The following ETV6 variants were observed in gnomAD, a reference collection of about 807,000 sequenced individuals.
The protein encoded by ETV6 is ETS variant transcription factor 6.
In ETV6, 16 loss-of-function variants were observed where a neutral mutation model predicts 51.1. The observed-to-expected ratio is 0.31, with a 90% CI of 0.21 to 0.48. The LOEUF is 0.48. ETV6 is among the 20% of genes least tolerant of loss of function. The probability of loss-of-function intolerance (pLI) is 0.99; values close to 1 mark genes in which losing one functional copy is unlikely to be tolerated. For synonymous variants in ETV6, 240 were observed against 224.1 expected, an observed-to-expected ratio of 1.07 and a Z score of -0.64; for missense variants, 458 against 594.8, an observed-to-expected ratio of 0.77 and a Z score of 2.39.
chr12:11,650,287 G>A (rs1389273743), intron 1 of ETV6, 127 bp downstream of exon 1: 45 of 796,010 alleles, frequency 5.7e-5, no homozygotes, highest in Non-Finnish European at 8.4e-5. Flanking sequence ...TTTGGGGCGA[G>A]AGGGAAAGAG....
intron 1 of ETV6, among the ~76,000 whole-genome samples, chr12:11,742,897 C>T (rs1865837195): frequency 6.7e-6 from 1 of 149,294 alleles, no homozygotes; most frequent in Non-Finnish European, 1.5e-5. Flanking sequence ...GCCTCAACCT[C>T]CTGGGCTCAA....
Position 11,750,842 on chromosome 12 carries a change from C to G in ETV6, c.34-1608C>G, listed in dbSNP as rs11054442. 3,299 of 449,704 alleles carry G rather than the reference C, an allele frequency of 7.3e-3. 139 individuals carry two copies. In the East Asian group the frequency reaches 0.091, roughly 12 times the overall value. 27.9% of individuals were successfully genotyped at this position (449,704 alleles called of 1,614,324 possible). On this transcript the variant is annotated intron_variant, in intron 1 of 7. Coordinates refer to ENST00000396373, the MANE Select transcript of ETV6 (RefSeq NM_001987.5). ...TGCTTTTTTCATCCCAAACCAAACACCAAAAAGTATAACCCATCCTTCAAG... is the reference window on the plus strand; with the variant it reads ...TGCTTTTTTCATCCCAAACCAAACAGCAAAAAGTATAACCCATCCTTCAAG...
At chr12:11,802,670 T>C (rs1945767260) in intron 2 of ETV6, among the ~76,000 whole-genome samples, 1 of 152,238 alleles carries the variant, frequency 6.6e-6, no homozygotes, top group Non-Finnish European at 1.5e-5. Context: ...AATTCTTAAA[T>C]AGACTTTACA....
intron 4 of ETV6, among the ~76,000 whole-genome samples, chr12:11,866,147 G>A (rs73066171): frequency 0.06 from 8,988 of 151,000 alleles, 288 homozygotes; most frequent in African/African-American, 0.077. Context: ...CATCTAGTCC[G>A]GTCTTTCATT....
At chr12:11,744,372 T>A (rs911537090) in intron 1 of ETV6, among the ~76,000 whole-genome samples, 29 of 152,332 alleles carry the variant, frequency 1.9e-4, no homozygotes, top group Non-Finnish European at 3.5e-4. Flanking sequence ...AAGCTGCTGT[T>A]AATTTCAGTA....
chr12:11,732,721 C>A (rs893623799), intron 1 of ETV6, among the ~76,000 whole-genome samples: 1 of 152,214 alleles, frequency 6.6e-6, no homozygotes, highest in African/African-American at 2.4e-5. Context: ...GGACCAAGAA[C>A]AACCCTTGTT....
At chr12:11,794,025 T>C (rs1409913538) in intron 2 of ETV6, among the ~76,000 whole-genome samples, 1 of 152,148 alleles carries the variant, frequency 6.6e-6, no homozygotes, top group African/African-American at 2.4e-5. Flanking sequence ...TGTTTGTAAA[T>C]GTGAAAAGCT....
At chr12:11,862,671 A>T (rs1946733444) in intron 4 of ETV6, among the ~76,000 whole-genome samples, 1 of 152,182 alleles carries the variant, frequency 6.6e-6, no homozygotes, top group Non-Finnish European at 1.5e-5. Context: ...CTTTTTATAA[A>T]GACACCAGTC....
chr12:11,686,746 C>T (rs946833175), intron 1 of ETV6, among the ~76,000 whole-genome samples: 11 of 152,024 alleles, frequency 7.2e-5, no homozygotes, highest in Non-Finnish European at 1.5e-4. Context: ...AGGCTGGTCT[C>T]GAACCCCTGA....
intron 1 of ETV6, among the ~76,000 whole-genome samples, chr12:11,671,214 C>A (rs1162606835): frequency 6.6e-6 from 1 of 152,086 alleles, no homozygotes; most frequent in Admixed American, 6.6e-5. Context: ...TGAGAGAGGC[C>A]CAAGGTGGCA....
chr12:11,674,109 C>A (rs1250862892), intron 1 of ETV6, among the ~76,000 whole-genome samples: 6 of 152,184 alleles, frequency 3.9e-5, no homozygotes, highest in Non-Finnish European at 8.8e-5. Flanking sequence ...GCAGACCACC[C>A]CGCAGATACA....
At chr12:11,822,012 C>T (rs548539705) in intron 2 of ETV6, among the ~76,000 whole-genome samples, 1 of 152,368 alleles carries the variant, frequency 6.6e-6, no homozygotes, top group African/African-American at 2.4e-5. Flanking sequence ...GTTCCTCTGA[C>T]TGGAAAGCTG....
At chr12:11,714,240 A>T (rs1193076789) in intron 1 of ETV6, among the ~76,000 whole-genome samples, 1 of 152,190 alleles carries the variant, frequency 6.6e-6, no homozygotes, top group Non-Finnish European at 1.5e-5. Context: ...GAGGCAAGGG[A>T]AGACAGAAAG....
chr12:11,721,773 G>A (rs1865393312), intron 1 of ETV6, among the ~76,000 whole-genome samples: 1 of 152,152 alleles, frequency 6.6e-6, no homozygotes. Flanking sequence ...CCAGCAGAGG[G>A]TCTGGCACCC....
intron 2 of ETV6, among the ~76,000 whole-genome samples, chr12:11,808,800 G>T (rs1008118923): frequency 6.6e-6 from 1 of 152,116 alleles, no homozygotes; most frequent in Middle Eastern, 3.2e-3. Flanking sequence ...ACAAAGGAGT[G>T]CTTGGAAGAG....
chr12:11,675,309 TAAAC>T (rs1251308910), intron 1 of ETV6, among the ~76,000 whole-genome samples: 1 of 152,078 alleles, frequency 6.6e-6, no homozygotes, highest in African/African-American at 2.4e-5. Flanking sequence ...ATAAAGCAAA[TAAAC>T]AAAAAGCCCC....
intron 1 of ETV6, among the ~76,000 whole-genome samples, chr12:11,650,665 T>C (rs1370994015): frequency 6.6e-6 from 1 of 151,968 alleles, no homozygotes; most frequent in Non-Finnish European, 1.5e-5. Flanking sequence ...TCAGACAGGA[T>C]TTTTTTCCCC....
chr12:11,780,157 T>G (rs906242863), intron 2 of ETV6, among the ~76,000 whole-genome samples: 1 of 152,236 alleles, frequency 6.6e-6, no homozygotes, highest in Non-Finnish European at 1.5e-5. Context: ...AAGTTTTAAT[T>G]TATTACACAG....
chr12:11,747,098 C>A (rs533965715), intron 1 of ETV6, among the ~76,000 whole-genome samples: 3 of 152,280 alleles, frequency 2.0e-5, no homozygotes, highest in East Asian at 3.9e-4. Context: ...GTCTGGCGTA[C>A]CCTCTCCCCA....
Sources: allele counts gnomAD v4.1 joint callset (sites outside exome capture counted in the v4.1 genomes callset), GRCh38; gene constraint gnomAD v4.1.1; transcripts MANE v1.5; gene names NCBI Gene and HGNC (gene_info 2026-07-23, HGNC 2026-07-21).